Variants in LRRC37A3 observed in about 807,000 individuals in gnomAD.
The protein encoded by LRRC37A3 is leucine rich repeat containing 37 member A3, also known as leucine-rich repeat-containing protein 37A3.
A neutral mutation model predicts 106.2 loss-of-function variants in LRRC37A3; 25 were observed. That is an observed-to-expected ratio of 0.24 (90% CI 0.17 to 0.33). The LOEUF is 0.33. LRRC37A3 is among the 10% of genes least tolerant of loss of function. The probability of loss-of-function intolerance (pLI) is 1.00; values close to 1 mark genes in which losing one functional copy is unlikely to be tolerated. For synonymous variants in LRRC37A3, 305 were observed against 635.8 expected, an observed-to-expected ratio of 0.48 and a Z score of 7.83; for missense variants, 712 against 1,644.9, an observed-to-expected ratio of 0.43 and a Z score of 9.81.
In LRRC37A3 at chr17:64,862,883, A is replaced by C; in HGVS notation, c.3172+17T>G. 6.3e-7 allele frequency: 1 copy of C among 1,599,148 alleles called. No homozygotes were observed. The highest frequency in any genetic ancestry group is 8.5e-7 in the Non-Finnish European group (1 of 1,179,728). On this transcript the variant is annotated intron_variant, in intron 11 of 14. Transcript: ENST00000584306. ...ATACTTAATGTAACAATTTATCACC[A>C]TGCAATTTGGACTCACGACAATGTG...
chr17:64,860,332 A>G lies in LRRC37A3; in HGVS notation c.3814T>C (p.Trp1272Arg), dbSNP rs144495079. 70 of 1,613,958 alleles carry G rather than the reference A, an allele frequency of 4.3e-5. No homozygotes were observed. In the South Asian group the frequency reaches 7.2e-4, roughly 17 times the overall value. ...GAAATAGCGTGGGTTAAGTCTTTCC[A>G]TCTGTCTCTCACCTGTGGTAGGGCT... Reference protein sequence around the residue: ...AKALPQVRDRWKDLTHAISIL... With the variant: ...AKALPQVRDRRKDLTHAISIL... The change falls in exon 12 of 15, where the codon TGG becomes CGG. Residue 1272 changes from tryptophan (W) to arginine (R), a missense_variant. Physicochemically the swap from Trp to Arg is moderately radical, Grantham distance 101 (BLOSUM62 -3). Coordinates refer to ENST00000584306, the MANE Select transcript of LRRC37A3 (RefSeq NM_199340.5).
chr17:64,916,217 A>C (rs1386000413), intron 2 of LRRC37A3, among the ~76,000 whole-genome samples: 1 of 151,766 alleles, frequency 6.6e-6, no homozygotes, highest in Non-Finnish European at 1.5e-5. Context: ...CATCCTGGCT[A>C]ACATGGTGAA....
chr17:64,866,661 T>G (rs2143423681), intron 10 of LRRC37A3, among the ~76,000 whole-genome samples: 1 of 120,234 alleles, frequency 8.3e-6, no homozygotes, highest in African/African-American at 3.1e-5. Flanking sequence ...GACAGGGTCT[T>G]GCTCTGTCAC....
Position 64,854,506 on chromosome 17 carries a change from G to T in LRRC37A3, c.*93C>A. ...TGCTCTGCCCGCTGCCTCTGTGGAT[G>T]TGTGGGCCGCTGGCTTCAGTCCTGC... On this transcript the variant is annotated 3_prime_UTR_variant, in exon 15 of 15. Coordinates refer to ENST00000584306, the MANE Select transcript of LRRC37A3 (RefSeq NM_199340.5). 1 of 1,572,746 alleles carries T rather than the reference G, an allele frequency of 6.4e-7. No individual in the cohort carries two copies. The highest frequency in any genetic ancestry group is 8.7e-7 in the Non-Finnish European group (1 of 1,143,348).
At chr17:64,906,784 TG>T (rs1974469817) in intron 2 of LRRC37A3, among the ~76,000 whole-genome samples, 1 of 137,758 alleles carries the variant, frequency 7.3e-6, no homozygotes, top group African/African-American at 2.8e-5. Flanking sequence ...CAGGCTGGAG[TG>T]CAGTGGCACG....
In LRRC37A3 at chr17:64,860,638, C is replaced by G. The variant is rs764596222; in HGVS notation, c.3508G>C (p.Gly1170Arg). ...TGCCTTTTCTGGATGCTCCTTGGGC[C>G]CATGAGGACTCTATTCAGTCTCTGC... is the stretch of plus-strand genomic sequence containing the variant. The part of the protein sequence containing the change: ...NRQRLNRVLM[G>R]PRSIQKRHFK... The change falls in exon 12 of 15, where the codon GGC becomes CGC. Residue 1170 changes from glycine to arginine, a missense_variant. By Grantham distance (125) the Gly-to-Arg change is moderately radical. Transcript: ENST00000584306. The G allele has an allele frequency of 2.5e-6, 4 of 1,613,912 alleles. No homozygotes were observed. The East Asian group carries it at 6.7e-5, about 27-fold the overall frequency.
At position 64,918,987 on chromosome 17, in the gene LRRC37A3, C is replaced by T. The variant is rs549833666; in HGVS notation, c.-616-117G>A. 244 of 1,213,796 alleles carry T rather than the reference C, an allele frequency of 2.0e-4. 2 individuals are homozygous for T. The East Asian group carries it at 6.7e-3, about 33-fold the overall frequency. The allele number at this position is 1,213,796 out of a possible 1,614,324, so 75.2% of individuals were successfully genotyped here. A position where few individuals can be genotyped will look rare whatever the true frequency, so the allele number is the denominator to read the frequency against. On this transcript the variant is annotated intron_variant, in intron 1 of 14. Transcript: ENST00000584306. ...CGGGCCAGGTGGCTGCCCCCGCCTC[C>T]CCCCGGCCGGGGCGCTGGTGCTGGG...
intron 8 of LRRC37A3, among the ~76,000 whole-genome samples, chr17:64,880,749 G>T (rs967824064): frequency 6.6e-6 from 1 of 151,798 alleles, no homozygotes; most frequent in African/African-American, 2.4e-5. Context: ...CACAAAATAA[G>T]GGAACATTTC....
At chr17:64,871,364 C>T (rs1275191338) in intron 8 of LRRC37A3, 1 of 153,682 alleles carries the variant, frequency 6.5e-6, no homozygotes, top group Admixed American at 6.5e-5. Flanking sequence ...AGCCACTCTA[C>T]TCCAGCCTGG....
chr17:64,860,866 C>G lies in LRRC37A3; in HGVS notation c.3280G>C (p.Asp1094His). ...ELIIEPEEPS[D>H]SSGINLSGFG... ...CCTGACAAGTTGATGCCACTGCTGT[C>G]TGAGGGCTCCTCCGGCTCAATAATC... Residue 1094 changes from aspartate to histidine, a missense_variant, in exon 12 of 15, where the codon GAC (aspartate) becomes CAC (histidine). Physicochemically the swap from Asp to His is moderately conservative, Grantham distance 81. Coordinates refer to ENST00000584306, the MANE Select transcript of LRRC37A3 (RefSeq NM_199340.5). The G allele has an allele frequency of 6.2e-7, 1 of 1,614,224 alleles. No homozygotes were observed. The highest frequency in any genetic ancestry group is 8.5e-7 in the Non-Finnish European group (1 of 1,180,030).
At chr17:64,874,699 G>C (rs1285279959) in intron 8 of LRRC37A3, among the ~76,000 whole-genome samples, 1 of 152,266 alleles carries the variant, frequency 6.6e-6, no homozygotes, top group Non-Finnish European at 1.5e-5. Context: ...GATTGTTGCT[G>C]TGTCTGTGTA....
intron 8 of LRRC37A3, among the ~76,000 whole-genome samples, chr17:64,880,499 G>A (rs911511899): frequency 3.0e-4 from 45 of 152,220 alleles, no homozygotes; most frequent in Non-Finnish European, 6.0e-4. Flanking sequence ...TCTGGTTCAA[G>A]TCCTTCATTT....
chr17:64,859,660 G>A lies in LRRC37A3; in HGVS notation c.4486C>T (p.His1496Tyr), dbSNP rs748215836. 6 of 1,613,648 alleles carry A rather than the reference G, an allele frequency of 3.7e-6. No individual in the cohort carries two copies. The East Asian group carries it at 1.1e-4, about 30-fold the overall frequency. ...PNNNVRRLIA[H>Y]VIRTLKMDCS... is the part of the protein sequence containing the mutation. ...TCCATCTTCAAGGTCCGGATAACAT[G>A]AGCAATGAGCCTTCTCACATTGTTG... The change falls in exon 12 of 15, where the codon CAT (histidine) becomes TAT (tyrosine). Residue 1496 changes from histidine to tyrosine, a missense_variant. Transcript: ENST00000584306.
Position 64,860,748 on chromosome 17 carries a change from T to A in LRRC37A3, c.3398A>T (p.Asp1133Val). 6.2e-7 allele frequency: 1 copy of A among 1,614,094 alleles called. No homozygotes were observed. Among genetic ancestry groups the A allele is most frequent in the Non-Finnish European group, 8.5e-7 (1 of 1,179,958 alleles). The change falls in exon 12 of 15, where the codon GAT becomes GTT. Residue 1133 changes from aspartate (D) to valine (V), a missense_variant. By Grantham distance (152) the Asp-to-Val change is radical. Transcript: ENST00000584306. The part of the protein sequence containing the change: ...ILPYFSAVNL[D>V]VKSLLLPFIK... The stretch of plus-strand genomic sequence containing the variant: ...GAACGGTAGTAACAGTGATTTCACA[T>A]CTAGGTTAACGGCTGAGAAATAAGG...
chr17:64,858,964 A>G, intron 12 of LRRC37A3, 81 bp from the exon 13 acceptor site: 1 of 999,468 alleles, frequency 1.0e-6, no homozygotes, highest in Non-Finnish European at 1.5e-6. Flanking sequence ...GTTCTTTTTT[A>G]TTTTTTTGAA....
intron 8 of LRRC37A3, among the ~76,000 whole-genome samples, chr17:64,870,204 C>T (rs1337499407): frequency 6.6e-6 from 1 of 151,754 alleles, no homozygotes; most frequent in Admixed American, 6.6e-5. Context: ...AATTCTCCTG[C>T]CTTAGCCTCC....
chr17:64,873,736 T>C (rs1308592580), intron 8 of LRRC37A3, among the ~76,000 whole-genome samples: 1 of 151,652 alleles, frequency 6.6e-6, no homozygotes, highest in African/African-American at 2.4e-5. Flanking sequence ...TTGAGATTGT[T>C]GACTCTGAGG....
In LRRC37A3 at chr17:64,860,123, C is replaced by G. The variant is rs751470017; in HGVS notation, c.4023G>C (p.Arg1341Ser). Residue 1341 changes from arginine to serine, a missense_variant, in exon 12 of 15, where the codon AGG becomes AGC. By Grantham distance (110) the Arg-to-Ser change is moderately radical. Transcript: ENST00000584306. ...SYLSRLMLSN[R>S]LPFSAAKSLI... Reference sequence around the variant, plus strand: ...GGCTCTTCGCTGCAGAGAACGGAAGCCTGTTTGAGAGCATCAGTCTACTCA... The same window carrying G: ...GGCTCTTCGCTGCAGAGAACGGAAGGCTGTTTGAGAGCATCAGTCTACTCA... 6.2e-7 allele frequency: 1 copy of G among 1,613,920 alleles called. No individual in the cohort carries two copies.
At chr17:64,898,118 AG>A (rs1974187464) in intron 3 of LRRC37A3, 1 of 202,518 alleles carries the variant, frequency 4.9e-6, no homozygotes, top group African/African-American at 4.2e-5. Context: ...CATAATTACC[AG>A]CATGTAAACT....
Sources: allele counts gnomAD v4.1 joint callset (sites outside exome capture counted in the v4.1 genomes callset), GRCh38; gene constraint gnomAD v4.1.1; transcripts MANE v1.5; gene names NCBI Gene and HGNC (gene_info 2026-07-23, HGNC 2026-07-21).